RIMS1: variants seen among roughly 807,000 people sequenced by gnomAD.
RIMS1 encodes regulating synaptic membrane exocytosis 1, also known as regulating synaptic membrane exocytosis protein 1.
RIMS1 carries 83 observed loss-of-function variants against 214.1 expected under a neutral mutation model. The ratio of observed to expected loss-of-function variants is 0.39; its 90% confidence interval spans 0.32 to 0.47. The LOEUF (loss-of-function observed/expected upper bound fraction) is 0.47. Ranked by LOEUF, RIMS1 falls within the 20% of genes least tolerant of loss-of-function variation. RIMS1 has a pLI of 0.99. For synonymous variants in RIMS1, 793 were observed against 786.8 expected (o/e 1.01, Z -0.13); for missense variants, 2,050 against 2,161.8 (o/e 0.95, Z 1.03).
intron 29 of RIMS1, among the ~76,000 whole-genome samples, chr6:72,378,335 A>G (rs182748448): frequency 6.6e-6 from 1 of 152,248 alleles, no homozygotes; most frequent in African/African-American, 2.4e-5. Context: ...ATGAAAATCC[A>G]TCTAATTTAT....
chr6:72,257,197 G>GTT lies in RIMS1; in HGVS notation c.2771-918_2771-917dup, dbSNP rs66601335. On this transcript the variant is annotated intron_variant, in intron 16 of 33. Coordinates refer to ENST00000521978, the MANE Select transcript of RIMS1 (RefSeq NM_014989.7). ...TATGTTTTATGTAGTTGTAAATATA[G>GTT]TTTTTTTTTTTACTTTGGCCACATA... 5.5e-3 allele frequency among the ~76,000 whole-genome samples: 811 copies of GTT among 148,248 alleles called. 7 individuals are homozygous for GTT. The highest frequency in any genetic ancestry group is 0.035 in the Middle Eastern group (10 of 288).
intron 29 of RIMS1, among the ~76,000 whole-genome samples, chr6:72,376,562 A>G (rs1366602706): frequency 6.6e-6 from 1 of 152,144 alleles, no homozygotes; most frequent in East Asian, 1.9e-4. Context: ...CCTGGGCAAC[A>G]TGATGAAACC....
At chr6:72,007,589 G>A (rs537234153) in intron 2 of RIMS1, among the ~76,000 whole-genome samples, 9 of 152,246 alleles carry the variant, frequency 5.9e-5, no homozygotes, top group East Asian at 5.8e-4. Context: ...CAGATTAGAC[G>A]AATGGATAAC....
At chr6:71,996,961 A>G (rs564794756) in intron 2 of RIMS1, among the ~76,000 whole-genome samples, 11 of 152,234 alleles carry the variant, frequency 7.2e-5, no homozygotes, top group African/African-American at 1.4e-4. Context: ...TAACTGCTCT[A>G]TAATCATAAA....
At chr6:72,388,970 C>CT (rs2098658958) in intron 29 of RIMS1, among the ~76,000 whole-genome samples, 1 of 151,994 alleles carries the variant, frequency 6.6e-6, no homozygotes, top group Non-Finnish European at 1.5e-5. Context: ...AGGTTAAGAC[C>CT]TTGATGTATA....
intron 4 of RIMS1, among the ~76,000 whole-genome samples, chr6:72,135,007 A>G (rs2041050681): frequency 1.3e-5 from 2 of 152,120 alleles, no homozygotes; most frequent in South Asian, 4.1e-4. Context: ...AATTTTCGTT[A>G]AATGATAATA....
chr6:72,235,796 T>G (rs968099332), intron 8 of RIMS1, 68 bp downstream of exon 8: 8 of 686,284 alleles, frequency 1.2e-5, no homozygotes, highest in African/African-American at 3.7e-5. Context: ...CATCGGAGTT[T>G]CTGGCAATGA....
chr6:71,910,755 G>A (rs1776644017), intron 1 of RIMS1, among the ~76,000 whole-genome samples: 1 of 152,146 alleles, frequency 6.6e-6, no homozygotes, highest in Non-Finnish European at 1.5e-5. Flanking sequence ...ATTTCTAAGT[G>A]AGTTTGAATA....
intron 2 of RIMS1, among the ~76,000 whole-genome samples, chr6:72,036,703 G>C (rs905153593): frequency 1.3e-5 from 2 of 152,162 alleles, no homozygotes; most frequent in African/African-American, 4.8e-5. Flanking sequence ...CATATAGTAG[G>C]TAAATAGTTG....
At chr6:72,024,875 A>C (rs1815874750) in intron 2 of RIMS1, among the ~76,000 whole-genome samples, 1 of 150,110 alleles carries the variant, frequency 6.7e-6, no homozygotes, top group Admixed American at 6.6e-5. Context: ...CAGAGATTTG[A>C]ACTCAGGATT....
At chr6:72,263,515 C>T in intron 19 of RIMS1, 1 of 984,948 alleles carries the variant, frequency 1.0e-6, no homozygotes, top group Non-Finnish European at 1.2e-6. Context: ...AAATTTTGTG[C>T]TATTTTCTAG....
chr6:72,266,881 T>C (rs2080834549), intron 22 of RIMS1, among the ~76,000 whole-genome samples: 1 of 151,616 alleles, frequency 6.6e-6, no homozygotes, highest in Non-Finnish European at 1.5e-5. Context: ...TCTTTACAAA[T>C]CCTGAAGAAA....
intron 2 of RIMS1, among the ~76,000 whole-genome samples, chr6:72,023,098 C>T (rs1180907090): frequency 1.3e-5 from 2 of 151,954 alleles, no homozygotes; most frequent in African/African-American, 4.8e-5. Context: ...AATTATTTTG[C>T]TTTCTACAGA....
intron 22 of RIMS1, among the ~76,000 whole-genome samples, chr6:72,266,927 T>C (rs1272488262): frequency 6.6e-6 from 1 of 152,138 alleles, no homozygotes. Context: ...CGCTCCTCCT[T>C]CTTAGTAGGC....
At chr6:72,261,083 C>G (rs1166868381) in intron 19 of RIMS1, 1 of 1,201,556 alleles carries the variant, frequency 8.3e-7, no homozygotes, top group Non-Finnish European at 1.0e-6. Context: ...TGTGAGTGCC[C>G]CCAACTTTCC....
At chr6:72,192,869 C>A (rs1335069137) in intron 6 of RIMS1, among the ~76,000 whole-genome samples, 1 of 152,172 alleles carries the variant, frequency 6.6e-6, no homozygotes, top group Non-Finnish European at 1.5e-5. Context: ...TGTGCCCACT[C>A]AGATTGAGGG....
chr6:72,316,680 T>G, intron 28 of RIMS1: 1 of 590,130 alleles, frequency 1.7e-6, no homozygotes, highest in Non-Finnish European at 3.3e-6. Flanking sequence ...CATAGATGCT[T>G]TTATTGGGTG....
At chr6:72,303,426 A>G (rs2094835761) in intron 26 of RIMS1, among the ~76,000 whole-genome samples, 1 of 151,116 alleles carries the variant, frequency 6.6e-6, no homozygotes, top group Non-Finnish European at 1.5e-5. Context: ...AAGAATGTGA[A>G]AAGAGTAGTT....
intron 29 of RIMS1, among the ~76,000 whole-genome samples, chr6:72,363,396 G>T (rs1378170790): frequency 6.6e-6 from 1 of 152,148 alleles, no homozygotes; most frequent in East Asian, 1.9e-4. Context: ...GCAGTAGAAT[G>T]CCATTGAAGG....
Sources: gnomAD v4.1 joint callset for allele counts (sites outside exome capture counted in the v4.1 genomes callset) on GRCh38, gnomAD v4.1.1 for gene constraint, MANE v1.5 for transcripts, NCBI Gene and HGNC (gene_info 2026-07-23, HGNC 2026-07-21) for gene names.